PUDP: variants seen among roughly 807,000 people sequenced by gnomAD.
PUDP encodes the protein pseudouridine 5'-phosphatase.
PUDP carries 8 observed loss-of-function variants against 9.4 expected under a neutral mutation model. The ratio of observed to expected loss-of-function variants is 0.85; its 90% CI spans 0.50 to 1.53. The LOEUF is 1.53. PUDP is among the 40% of genes most tolerant of loss of function. The pLI is 0.00. For missense variants in PUDP, 188 were observed against 189.7 expected, an observed-to-expected ratio of 0.99 and a Z score of 0.05; for synonymous variants, 99 against 80.7, an observed-to-expected ratio of 1.23 and a Z score of -1.22.
Position 7,077,408 on chromosome X carries a change from G to A in PUDP, c.322C>T (p.Pro108Ser). The A allele has an allele frequency of 4.1e-6, 5 of 1,211,204 alleles. No individual in the cohort carries two copies. The highest frequency in any genetic ancestry group is 5.6e-6 in the Non-Finnish European group (5 of 895,099). ...LIIHLRKHGI[P>S]FALATSSGSA... ...CCCGAGCTGGTGGCCAGTGCAAAGG[G>A]GATGCCATGTTTCCGCAGGTGGATG... Residue 108 changes from proline (P) to serine (S), a missense_variant, in exon 3 of 4, where the codon CCC (proline) becomes TCC (serine). Coordinates refer to ENST00000381077, the MANE Select transcript of PUDP (RefSeq NM_012080.5).
chrX:7,070,123 T>C (rs191538294), intron 3 of PUDP, among the ~76,000 whole-genome samples: 2 of 112,079 alleles, frequency 1.8e-5, no homozygotes, highest in East Asian at 5.6e-4. Context: ...GGAAACACAT[T>C]TCCTCTGACA....
intron 3 of PUDP, among the ~76,000 whole-genome samples, chrX:6,890,299 T>C (rs927492506): frequency 8.9e-6 from 1 of 112,062 alleles, no homozygotes; most frequent in Admixed American, 9.5e-5. Flanking sequence ...ATTTAGAATT[T>C]AGCCTTCTCC....
intron 1 of PUDP, among the ~76,000 whole-genome samples, chrX:6,709,540 T>G (rs867030877): frequency 2.7e-5 from 3 of 112,196 alleles, no homozygotes; most frequent in African/African-American, 3.2e-5. Context: ...CGTTTATCAC[T>G]GGGTTTAGTA....
chrX:6,896,645 C>T (rs1449093217), intron 3 of PUDP, among the ~76,000 whole-genome samples: 1 of 101,994 alleles, frequency 9.8e-6, no homozygotes, highest in Non-Finnish European at 2.0e-5. Flanking sequence ...GCTCCCTTCA[C>T]CTTCCTCCTG....
chrX:7,146,835 GTTTTT>G (rs72051800), intron 1 of PUDP, among the ~76,000 whole-genome samples: 5 of 82,995 alleles, frequency 6.0e-5, no homozygotes, highest in Non-Finnish European at 6.9e-5. Flanking sequence ...GAGCTGCAGG[GTTTTT>G]TTTTTTTTTT....
intron 3 of PUDP, among the ~76,000 whole-genome samples, chrX:6,750,099 CA>C (rs746350103): frequency 1.4e-3 from 155 of 112,071 alleles, no homozygotes; most frequent in African/African-American, 4.9e-3. Context: ...CAGCTTCTTG[CA>C]TTAAGAGATG....
At chrX:6,718,688 A>G (rs1488764963) in intron 1 of PUDP, among the ~76,000 whole-genome samples, 1 of 111,652 alleles carries the variant, frequency 9.0e-6, no homozygotes, top group East Asian at 2.8e-4. Context: ...AAAAGTCCAG[A>G]CTTCTCCATG....
At chrX:6,745,588 T>A (rs376711324) in intron 3 of PUDP, among the ~76,000 whole-genome samples, 13 of 112,197 alleles carry the variant, frequency 1.2e-4, no homozygotes, top group African/African-American at 4.2e-4. Flanking sequence ...AGTGGGTTTT[T>A]TTCAAAATAT....
intron 3 of PUDP, among the ~76,000 whole-genome samples, chrX:6,825,211 G>A (rs1007288061): frequency 3.6e-5 from 4 of 111,465 alleles, no homozygotes; most frequent in Admixed American, 2.9e-4. Flanking sequence ...ATATATCCCT[G>A]GGCAACTTGT....
chrX:6,869,002 A>G (rs1039458050), intron 3 of PUDP, among the ~76,000 whole-genome samples: 4 of 112,109 alleles, frequency 3.6e-5, no homozygotes, highest in African/African-American at 1.3e-4. Flanking sequence ...CTCTGTAGCA[A>G]TGACTGTTGG....
chrX:7,015,122 C>T (rs762953883), intron 1 of PUDP, among the ~76,000 whole-genome samples: 35 of 111,761 alleles, frequency 3.1e-4, no homozygotes, highest in Non-Finnish European at 6.0e-4. Context: ...TTCCCCTTCA[C>T]GCTCTGAAGG....
exon 2 of PUDP, among the ~76,000 whole-genome samples, chrX:6,978,237 T>C (rs375351525): frequency 8.9e-6 from 1 of 111,935 alleles, no homozygotes; most frequent in Non-Finnish European, 1.9e-5. Flanking sequence ...TTGTAGATCA[T>C]GTATCCTTGG....
At chrX:6,815,184 A>G (rs753022193) in intron 3 of PUDP, among the ~76,000 whole-genome samples, 5 of 110,150 alleles carry the variant, frequency 4.5e-5, no homozygotes, top group South Asian at 3.9e-4. Context: ...AAAAAAAAAA[A>G]AAAGAAAGAA....
intron 3 of PUDP, among the ~76,000 whole-genome samples, chrX:6,732,777 C>T (rs747755357): frequency 9.6e-4 from 107 of 111,438 alleles, no homozygotes; most frequent in Admixed American, 1.5e-3. Context: ...TGTATGTAAT[C>T]TGAGGTCTCT....
intron 2 of PUDP, among the ~76,000 whole-genome samples, chrX:7,099,900 C>G (rs765956018): frequency 9.0e-6 from 1 of 110,866 alleles, no homozygotes. Flanking sequence ...GGCAGACACA[C>G]CCTGCAGCAT....
At chrX:6,993,913 T>C (rs1029125376) in intron 1 of PUDP, among the ~76,000 whole-genome samples, 1 of 111,655 alleles carries the variant, frequency 9.0e-6, no homozygotes, top group African/African-American at 3.3e-5. Context: ...AGGGAGAATA[T>C]TGAAAGCCAA....
intron 3 of PUDP, among the ~76,000 whole-genome samples, chrX:6,832,900 G>A (rs1017220049): frequency 1.4e-4 from 16 of 110,827 alleles, no homozygotes; most frequent in African/African-American, 4.0e-4. Flanking sequence ...AGCACAAACC[G>A]GAGCTGAATC....
chrX:7,136,799 T>C (rs1433254911), intron 1 of PUDP, among the ~76,000 whole-genome samples: 2 of 104,592 alleles, frequency 1.9e-5, no homozygotes, highest in Admixed American at 2.0e-4. Context: ...CACATCTCCT[T>C]AGGGCCTGTG....
At position 6,933,528 on chromosome X, in the gene PUDP, A is replaced by G. The variant is rs770655008; in HGVS notation, c.*247+43605T>C. Reference sequence around the variant, plus strand: ...ACCAAAAGTAGATAAAACCACAAAGATGGGGAAAAAACAGAACACAAAAAC... The same window carrying G: ...ACCAAAAGTAGATAAAACCACAAAGGTGGGGAAAAAACAGAACACAAAAAC... On this transcript the variant is annotated intron_variant and NMD_transcript_variant, in intron 3 of 3. Coordinates refer to the PUDP transcript ENST00000655425. Among the ~76,000 whole-genome samples, 792 of 110,017 alleles carry G rather than the reference A, an allele frequency of 7.2e-3. 9 individuals carry two copies. The highest frequency in any genetic ancestry group is 0.025 in the African/African-American group (748 of 30,376).
Sources: gnomAD v4.1 joint callset for allele counts (sites outside exome capture counted in the v4.1 genomes callset) on GRCh38, gnomAD v4.1.1 for gene constraint, MANE v1.5 for transcripts, NCBI Gene and HGNC (gene_info 2026-07-23, HGNC 2026-07-21) for gene names.